Variants in RNF17 observed in about 807,000 individuals in gnomAD.
RNF17 encodes ring finger protein 17.
A neutral mutation model predicts 200.5 loss-of-function variants in RNF17; 31 were observed. The ratio of observed to expected loss-of-function variants is 0.15; its 90% confidence interval spans 0.12 to 0.21. The LOEUF is 0.21. Among genes scored for constraint, RNF17 ranks in the 10% least tolerant of loss-of-function variants. The pLI, the probability that RNF17 is intolerant of heterozygous loss-of-function variation, is 1.00. For synonymous variants in RNF17, 606 were observed against 637.8 expected, an observed-to-expected ratio of 0.95 and a Z score of 0.75; for missense variants, 1,628 against 1,905.1, an observed-to-expected ratio of 0.85 and a Z score of 2.71.
At chr13:24,823,857 C>T (rs1888351922) in intron 15 of RNF17, among the ~76,000 whole-genome samples, 1 of 152,204 alleles carries the variant, frequency 6.6e-6, no homozygotes, top group Admixed American at 6.5e-5. Flanking sequence ...GCTTGGTACT[C>T]CCCTTTGCCA....
the RNF17 span, among the ~76,000 whole-genome samples, chr13:24,748,868 G>A: frequency 6.6e-6 from 1 of 151,942 alleles, no homozygotes; most frequent in African/African-American, 2.4e-5. Flanking sequence ...TCCTGCCTCA[G>A]CCTCCTGAGT....
chr13:24,803,597 T>G (rs866303149), intron 14 of RNF17: 2 of 152,294 alleles, frequency 1.3e-5, no homozygotes, highest in African/African-American at 4.8e-5. Flanking sequence ...CCATCATTTC[T>G]GATGACTTAA....
At chr13:24,789,049 G>T (rs533847361) in intron 7 of RNF17, among the ~76,000 whole-genome samples, 1 of 152,260 alleles carries the variant, frequency 6.6e-6, no homozygotes, top group African/African-American at 2.4e-5. Flanking sequence ...ATCTAGCTAA[G>T]AAAATAGGGC....
chr13:24,750,765 T>C, the RNF17 span: 4 of 152,230 alleles, frequency 2.6e-5, no homozygotes, highest in African/African-American at 9.7e-5. Flanking sequence ...TATTTTTCTC[T>C]TCTAGCAGAC....
chr13:24,780,075 C>A (rs992100631), intron 5 of RNF17, among the ~76,000 whole-genome samples: 1 of 152,194 alleles, frequency 6.6e-6, no homozygotes, highest in South Asian at 2.1e-4. Flanking sequence ...GTCTCTTTCT[C>A]TCTTCCTACT....
At chr13:24,868,490 A>AT in intron 30 of RNF17, 110 bp from the exon 31 acceptor site, 1 of 559,200 alleles carries the variant, frequency 1.8e-6, no homozygotes, top group Non-Finnish European at 3.2e-6. Context: ...AAAAAAAAAA[A>AT]AAACTTGCTT....
At chr13:24,773,869 A>C (rs1238537959) in intron 2 of RNF17, among the ~76,000 whole-genome samples, 2 of 152,162 alleles carry the variant, frequency 1.3e-5, no homozygotes, top group Non-Finnish European at 2.9e-5. Context: ...AGGCACCCAG[A>C]GAATGATGTT....
At chr13:24,749,469 G>T in the RNF17 span, among the ~76,000 whole-genome samples, 1 of 151,778 alleles carries the variant, frequency 6.6e-6, no homozygotes, top group African/African-American at 2.4e-5. Flanking sequence ...ACATCCAGCT[G>T]GCCTAGAACT....
chr13:24,777,003 A>G (rs1881667429), intron 3 of RNF17, among the ~76,000 whole-genome samples: 1 of 152,206 alleles, frequency 6.6e-6, no homozygotes, highest in African/African-American at 2.4e-5. Flanking sequence ...AAGTACCCAA[A>G]TTTGTTCCAA....
upstream of RNF17, among the ~76,000 whole-genome samples, chr13:24,761,258 T>C (rs1423914587): frequency 2.0e-5 from 3 of 152,216 alleles, no homozygotes; most frequent in Admixed American, 6.5e-5. Flanking sequence ...TTTAGAATAT[T>C]AATATTTTGG....
intron 2 of RNF17, among the ~76,000 whole-genome samples, chr13:24,770,995 T>C (rs984479949): frequency 1.3e-5 from 2 of 152,238 alleles, no homozygotes; most frequent in African/African-American, 2.4e-5. Context: ...GCTGTTTCCT[T>C]GTTGTAAATT....
chr13:24,757,001 G>A, the RNF17 span, among the ~76,000 whole-genome samples: 1 of 152,048 alleles, frequency 6.6e-6, no homozygotes, highest in Non-Finnish European at 1.5e-5. Flanking sequence ...CTTCATCTTG[G>A]GAAAAGAGGG....
At chr13:24,877,275 C>A in intron 34 of RNF17, 89 bp downstream of exon 34, 3 of 1,011,156 alleles carry the variant, frequency 3.0e-6, no homozygotes, top group East Asian at 2.5e-5. Flanking sequence ...CGTCTACATG[C>A]GAGAGTATAC....
chr13:24,851,595 T>G, intron 24 of RNF17, 24 bp downstream of exon 24: 1 of 1,493,576 alleles, frequency 6.7e-7, no homozygotes, highest in South Asian at 1.2e-5. Flanking sequence ...TAAAAAATTT[T>G]GACATCAGTT....
chr13:24,854,061 C>T lies in RNF17; in HGVS notation c.3527C>T (p.Ala1176Val). ...PRTTRGYKPP[A>V]IPNMNVFEAT... is the part of the protein sequence containing the mutation. Reference sequence around the variant, plus strand: ...ACCACTAGAGGGTATAAGCCACCAGCTATTCCTAACATGAACGTATTTGAG... The same window carrying T: ...ACCACTAGAGGGTATAAGCCACCAGTTATTCCTAACATGAACGTATTTGAG... Residue 1176 changes from alanine to valine, a missense_variant, in exon 25 of 36, where the codon GCT becomes GTT. Transcript: ENST00000255324. The T allele has an allele frequency of 6.2e-7, 1 of 1,613,758 alleles. No individual in the cohort carries two copies. The highest frequency in any genetic ancestry group is 2.2e-5 in the East Asian group (1 of 44,842).
the RNF17 span, chr13:24,886,329 G>T: frequency 7.8e-7 from 1 of 1,289,270 alleles, no homozygotes; most frequent in South Asian, 1.2e-5. Flanking sequence ...AAGGAGGAGA[G>T]CGGAGGCAGG....
chr13:24,813,224 T>C (rs1208171734), intron 15 of RNF17, among the ~76,000 whole-genome samples: 3 of 152,074 alleles, frequency 2.0e-5, no homozygotes, highest in Admixed American at 1.3e-4. Flanking sequence ...AGTGGCATGA[T>C]TGTAAGCTCA....
chr13:24,748,913 C>G, the RNF17 span, among the ~76,000 whole-genome samples: 4 of 152,228 alleles, frequency 2.6e-5, no homozygotes, highest in South Asian at 8.3e-4. Context: ...CCATGCCCGG[C>G]TAATTTTTTT....
downstream of RNF17, chr13:24,884,250 A>G (rs754494974): frequency 3.7e-6 from 6 of 1,614,010 alleles, no homozygotes; most frequent in African/African-American, 6.7e-5. Flanking sequence ...GTAGATCTGT[A>G]AAGACACACA....
Sources: gnomAD v4.1 joint callset for allele counts (sites outside exome capture counted in the v4.1 genomes callset) on GRCh38, gnomAD v4.1.1 for gene constraint, MANE v1.5 for transcripts, NCBI Gene and HGNC (gene_info 2026-07-23, HGNC 2026-07-21) for gene names.